CNGB3: variants seen among roughly 807,000 people sequenced by gnomAD.
CNGB3 encodes the protein cyclic nucleotide gated channel subunit beta 3.
CNGB3 carries 86 observed loss-of-function variants against 92.8 expected under a neutral mutation model. That is an observed-to-expected ratio of 0.93 (90% CI 0.78 to 1.11). The LOEUF (loss-of-function observed/expected upper bound fraction) is 1.11, where lower values mean the gene tolerates loss of function less well. CNGB3 is among the 50% of genes least tolerant of loss of function. CNGB3 has a pLI of 0.00. For synonymous variants in CNGB3, 333 were observed against 332.7 expected (o/e 1.00, Z -0.01); for missense variants, 1,026 against 956.8 (o/e 1.07, Z -0.95).
chr8:86,623,777 T>C (rs887673097), intron 13 of CNGB3, among the ~76,000 whole-genome samples: 1 of 152,230 alleles, frequency 6.6e-6, no homozygotes, highest in African/African-American at 2.4e-5. Context: ...AAATGATATC[T>C]TTGTTCTTCT....
intron 3 of CNGB3, among the ~76,000 whole-genome samples, chr8:86,702,791 A>T (rs978134): frequency 0.59 from 89,049 of 151,526 alleles, 26,978 homozygotes; most frequent in South Asian, 0.74. Flanking sequence ...ATTCTTTTTT[A>T]AAAAAAATCT....
intron 15 of CNGB3, chr8:86,593,965 G>T: frequency 2.0e-6 from 1 of 489,422 alleles, no homozygotes; most frequent in South Asian, 1.8e-5. Flanking sequence ...CCTCCAGTGG[G>T]AGCGAGAACT....
rs772746205 is a variant in CNGB3 at position 86,739,696 on chromosome 8, G to A, written c.170C>T (p.Ser57Leu). The stretch of plus-strand genomic sequence containing the variant: ...TGGCTCTTCAGACGTGACTGGAGTT[G>A]ACTTGGTTTTGAGAGATTTCTCTTC... ...KGEEKSLKTK[S>L]TPVTSEEPHT... is the part of the protein sequence containing the mutation. The change falls in exon 2 of 18, where the codon TCA becomes TTA. Residue 57 changes from serine to leucine, a missense_variant. By Grantham distance (145) the Ser-to-Leu change is moderately radical (BLOSUM62 -2). Coordinates refer to ENST00000320005, the MANE Select transcript of CNGB3 (RefSeq NM_019098.5). 12 of 1,604,206 alleles carry A rather than the reference G, an allele frequency of 7.5e-6. No homozygotes were observed. The highest frequency in any genetic ancestry group is 1.0e-5 in the Non-Finnish European group (12 of 1,176,200).
intron 3 of CNGB3, among the ~76,000 whole-genome samples, chr8:86,699,579 AATATG>A (rs1465564774): frequency 6.6e-6 from 1 of 152,218 alleles, no homozygotes; most frequent in Non-Finnish European, 1.5e-5. Flanking sequence ...ATTCTTGCTG[AATATG>A]ATATATGATG....
intron 3 of CNGB3, among the ~76,000 whole-genome samples, chr8:86,708,665 T>C (rs1229762893): frequency 6.7e-6 from 1 of 148,260 alleles, no homozygotes; most frequent in Non-Finnish European, 1.5e-5. Context: ...CTTCCTGGGC[T>C]CAAGTGATCC....
At chr8:86,609,787 C>G (rs1176021177) in intron 14 of CNGB3, among the ~76,000 whole-genome samples, 1 of 152,202 alleles carries the variant, frequency 6.6e-6, no homozygotes, top group Non-Finnish European at 1.5e-5. Flanking sequence ...CAAGCTCCAT[C>G]TTGCCTCTCA....
chr8:86,635,861 T>TACAC lies in CNGB3; in HGVS notation c.1179-2969_1179-2968insGTGT, dbSNP rs1554611016. On this transcript the variant is annotated intron_variant, in intron 10 of 17. Coordinates refer to ENST00000320005, the MANE Select transcript of CNGB3 (RefSeq NM_019098.5). ...ATATATATATATATATATATATATATATACACATACACATATACTTAGGCA... is the reference window on the plus strand; with the variant it reads ...ATATATATATATATATATATATATATACACATACACATACACATATACTTAGGCA... 7.2e-3 allele frequency among the ~76,000 whole-genome samples: 473 copies of TACAC among 66,088 alleles called. 5 individuals are homozygous for TACAC. The highest frequency in any genetic ancestry group is 0.01 in the Non-Finnish European group (394 of 38,324). The allele number at this position is 66,088 out of a possible 152,430, so 43.4% of individuals were successfully genotyped here.
intron 15 of CNGB3, chr8:86,593,783 A>C: frequency 7.5e-7 from 1 of 1,329,860 alleles, no homozygotes. Flanking sequence ...CTTATCAATG[A>C]GCCCCTGGTA....
rs186319740 is a variant in CNGB3, at chr8:86,610,199, G to A, written c.1662+1389C>T. ...GTCTTCATTCAGGTGATTCTGATGT[G>A]CACTGTGAATTGAATACCACAGCAC... On this transcript the variant is annotated intron_variant, in intron 14 of 17. Coordinates refer to ENST00000320005, the MANE Select transcript of CNGB3 (RefSeq NM_019098.5). Among the ~76,000 whole-genome samples the A allele has an allele frequency of 1.0e-3, 154 of 152,228 alleles. 1 individual carries two copies. Among genetic ancestry groups the A allele is most frequent in the African/African-American group, 3.5e-3 (146 of 41,526 alleles).
intron 3 of CNGB3, among the ~76,000 whole-genome samples, chr8:86,685,989 T>C (rs933000888): frequency 1.3e-5 from 2 of 151,912 alleles, no homozygotes; most frequent in African/African-American, 2.4e-5. Flanking sequence ...TAAACTAATA[T>C]TTTACAGAGG....
chr8:86,611,820 T>G, intron 13 of CNGB3, 149 bp from the exon 14 acceptor site: 2 of 658,380 alleles, frequency 3.0e-6, no homozygotes, highest in South Asian at 3.8e-5. Flanking sequence ...ATGTCATGAC[T>G]CAAAATTTAG....
In CNGB3 at chr8:86,578,839, C is replaced by G. The variant is rs370862624; in HGVS notation, c.1953G>C (p.Lys651Asn). ...KARVLLKQKA[K>N]TAEATPPRKD... ...TTCTTGGAGGGGTTGCTTCTGCGGTCTTAGCCTTCTGCTTTAAAAGCACTC... is the reference window on the plus strand; with the variant it reads ...TTCTTGGAGGGGTTGCTTCTGCGGTGTTAGCCTTCTGCTTTAAAAGCACTC... The change falls in exon 17 of 18, where the codon AAG (lysine) becomes AAC (asparagine). Residue 651 changes from lysine to asparagine, a missense_variant. Physicochemically the swap from Lys to Asn is moderately conservative, Grantham distance 94. Coordinates refer to ENST00000320005, the MANE Select transcript of CNGB3 (RefSeq NM_019098.5). 13 of 1,614,178 alleles carry G rather than the reference C, an allele frequency of 8.1e-6. No individual in the cohort carries two copies. Among genetic ancestry groups the G allele is most frequent in the Non-Finnish European group, 1.1e-5 (13 of 1,180,040 alleles).
chr8:86,649,522 A>C (rs1228232475), intron 7 of CNGB3, among the ~76,000 whole-genome samples: 2 of 151,720 alleles, frequency 1.3e-5, no homozygotes, highest in Non-Finnish European at 3.0e-5. Flanking sequence ...GGTATTGAAC[A>C]AAGCATACTA....
rs1823779879 is a variant in CNGB3, at chr8:86,668,109, A to G, written c.553T>C (p.Tyr185His). 3 of 1,613,928 alleles carry G rather than the reference A, an allele frequency of 1.9e-6. No individual in the cohort carries two copies. Among genetic ancestry groups the G allele is most frequent in the Non-Finnish European group, 2.5e-6 (3 of 1,179,950 alleles). The change falls in exon 5 of 18, where the codon TAC becomes CAC. Residue 185 changes from tyrosine (Y) to histidine (H), a missense_variant. Transcript: ENST00000320005. Reference sequence around the variant, plus strand: ...TTGACTTTGAACCACAACAGCCTGTAGTAATGTTCTGTTGGCTTATCATCG... The same window carrying G: ...TTGACTTTGAACCACAACAGCCTGTGGTAATGTTCTGTTGGCTTATCATCG... ...ESDDKPTEHY[Y>H]RLLWFKVKKM...
At chr8:86,631,513 A>G (rs16916239) in intron 11 of CNGB3, among the ~76,000 whole-genome samples, 25,598 of 152,062 alleles carry the variant, frequency 0.17, 2,889 homozygotes, top group East Asian at 0.42. Context: ...CATTCGTAAA[A>G]CAGAGAAAAA....
chr8:86,598,994 T>C (rs144977319), intron 15 of CNGB3, among the ~76,000 whole-genome samples: 296 of 152,222 alleles, frequency 1.9e-3, no homozygotes, highest in African/African-American at 6.8e-3. Context: ...TACATACCCC[T>C]CAGTAGGGGT....
At chr8:86,685,436 A>G (rs1282180831) in intron 3 of CNGB3, among the ~76,000 whole-genome samples, 1 of 152,044 alleles carries the variant, frequency 6.6e-6, no homozygotes, top group Non-Finnish European at 1.5e-5. Context: ...TTTGAGAAAC[A>G]TTGTTTCATA....
chr8:86,578,582 T>C, intron 17 of CNGB3, 107 bp downstream of exon 17: 4 of 1,068,874 alleles, frequency 3.7e-6, no homozygotes, highest in Non-Finnish European at 5.8e-6. Context: ...ATTAGATTAG[T>C]CCAAATCATC....
intron 3 of CNGB3, among the ~76,000 whole-genome samples, chr8:86,716,405 G>A (rs1056081165): frequency 3.9e-5 from 6 of 152,074 alleles, no homozygotes; most frequent in African/African-American, 7.2e-5. Flanking sequence ...AAATATCATC[G>A]CCTAGCACAT....
Sources: allele counts gnomAD v4.1 joint callset (sites outside exome capture counted in the v4.1 genomes callset), GRCh38; gene constraint gnomAD v4.1.1; transcripts MANE v1.5; gene names NCBI Gene and HGNC (gene_info 2026-07-23, HGNC 2026-07-21).